TRIO: variants seen among roughly 807,000 people sequenced by gnomAD.
The protein encoded by TRIO is triple functional domain protein.
In TRIO, 58 loss-of-function variants were observed where a neutral mutation model predicts 351.9. That is an observed-to-expected ratio of 0.16 (90% CI 0.13 to 0.21). The LOEUF is 0.21. Among genes scored for constraint, TRIO ranks in the 10% least tolerant of loss-of-function variants. The pLI, the probability that TRIO is intolerant of heterozygous loss-of-function variation, is 1.00. For missense variants in TRIO, 3,201 were observed against 4,027.8 expected (o/e 0.79, Z 5.56); for synonymous variants, 1,758 against 1,595.7 (o/e 1.10, Z -2.42).
rs906742683 is a variant in TRIO, at chr5:14,471,335, C to T, written c.5781C>T (p.Pro1927=). 3 of 1,613,872 alleles carry T rather than the reference C, an allele frequency of 1.9e-6. No individual in the cohort carries two copies. In the African/African-American group the frequency reaches 4.0e-5, roughly 22 times the overall value. Reference sequence around the variant, plus strand: ...TCTTCCAGGCACTGGAGGATCGCCCCAGCTCACTCCTTGTTGACCAGGGAG... The same window carrying T: ...TCTTCCAGGCACTGGAGGATCGCCCTAGCTCACTCCTTGTTGACCAGGGAG... ...VKSKMALEDR[P]SSLLVDQGDS... is the part of the protein sequence containing the mutation. The change falls in exon 38 of 57, where the codon CCC becomes CCT. Residue 1927 remains proline (P), a synonymous_variant. Transcript: ENST00000344204.
chr5:14,210,530 A>C (rs1256654457), intron 1 of TRIO, among the ~76,000 whole-genome samples: 1 of 152,222 alleles, frequency 6.6e-6, no homozygotes, highest in African/African-American at 2.4e-5. Context: ...TCTGTGGAGC[A>C]GTTGAGAGGA....
At chr5:14,184,453 T>A (rs27758) in intron 1 of TRIO, among the ~76,000 whole-genome samples, 102,752 of 152,188 alleles carry the variant, frequency 0.68, 36,772 homozygotes, top group East Asian at 0.96. Flanking sequence ...TTTGAACATA[T>A]GTTTTTAGAA....
At chr5:14,470,204 A>G (rs2126544910) in intron 37 of TRIO, among the ~76,000 whole-genome samples, 1 of 152,354 alleles carries the variant, frequency 6.6e-6, no homozygotes, top group African/African-American at 2.4e-5. Flanking sequence ...TTTTAACAAG[A>G]TTGCTTGTAC....
intron 30 of TRIO, among the ~76,000 whole-genome samples, chr5:14,399,756 C>G (rs1453457482): frequency 6.6e-6 from 1 of 152,210 alleles, no homozygotes; most frequent in East Asian, 1.9e-4. Context: ...GCAGCATCGT[C>G]TCTGGATCCA....
At chr5:14,287,196 C>T (rs1012823377) in intron 4 of TRIO, 133 bp downstream of exon 4, 10 of 841,420 alleles carry the variant, frequency 1.2e-5, no homozygotes, top group South Asian at 5.5e-5. Context: ...ACATGTGATA[C>T]GTAAAATTAG....
rs1006572960 is a variant in TRIO, at chr5:14,358,184, A to T, written c.2053A>T (p.Thr685Ser). 7 of 1,612,132 alleles carry T rather than the reference A, an allele frequency of 4.3e-6. No homozygotes were observed. Among genetic ancestry groups the T allele is most frequent in the Middle Eastern group, 3.3e-4 (2 of 6,042 alleles). ...SFHTHVKELW[T>S]WLEELQKELL... is the part of the protein sequence containing the mutation. ...CCCCTCTCCCCTTCCCCAGCTGTGG[A>T]CGTGGCTGGAGGAGCTGCAGAAGGA... is the stretch of plus-strand genomic sequence containing the variant. The change falls in exon 12 of 57, where the codon ACG (threonine) becomes TCG (serine). Residue 685 changes from threonine (T) to serine (S), a missense_variant. Transcript: ENST00000344204.
At chr5:14,288,794 C>T (rs1387907287) in intron 4 of TRIO, among the ~76,000 whole-genome samples, 3 of 152,188 alleles carry the variant, frequency 2.0e-5, no homozygotes, top group Non-Finnish European at 4.4e-5. Context: ...TGCCAACCAG[C>T]ACGCCGGACC....
intron 1 of TRIO, among the ~76,000 whole-genome samples, chr5:14,185,360 G>T (rs1391763955): frequency 6.6e-6 from 1 of 152,194 alleles, no homozygotes; most frequent in African/African-American, 2.4e-5. Flanking sequence ...GAATAGCACA[G>T]TTCTTCCTGG....
intron 8 of TRIO, among the ~76,000 whole-genome samples, chr5:14,304,803 C>G (rs551894535): frequency 2.6e-5 from 4 of 152,134 alleles, no homozygotes; most frequent in African/African-American, 9.7e-5. Flanking sequence ...CAGGCAGTAG[C>G]CTTTCCGATA....
chr5:14,207,262 TACACACACAC>T (rs56915481), intron 1 of TRIO, among the ~76,000 whole-genome samples: 1 of 46,058 alleles, frequency 2.2e-5, no homozygotes, highest in African/African-American at 8.9e-5. Flanking sequence ...AGATGGTCTC[TACACACACAC>T]ACACACACAC....
At chr5:14,310,943 C>G (rs1051378765) in intron 8 of TRIO, among the ~76,000 whole-genome samples, 1 of 152,214 alleles carries the variant, frequency 6.6e-6, no homozygotes, top group Non-Finnish European at 1.5e-5. Flanking sequence ...ACCTCGGCCT[C>G]CCAAAGTGCT....
rs576263725 is a variant in TRIO at position 14,496,894 on chromosome 5, G to A, written c.7896G>A (p.Trp2632Ter). Residue 2632 changes from tryptophan (W) to a stop codon, truncating the protein, a stop_gained, in exon 50 of 57, where the codon TGG becomes TGA. Transcript: ENST00000344204. LOFTEE classifies it high-confidence loss of function. ...TTTCCCCTAGGAAGTCAACATCTTG[G>A]CACACAGCACTCCGTTTAAGGAAAA... ...PDGTLKKSTS[W>*]HTALRLRKKS... 6.2e-7 allele frequency: 1 copy of A among 1,614,090 alleles called. No individual in the cohort carries two copies. The highest frequency in any genetic ancestry group is 8.5e-7 in the Non-Finnish European group (1 of 1,180,016).
At chr5:14,370,561 C>T (rs1244691634) in intron 18 of TRIO, among the ~76,000 whole-genome samples, 1 of 152,098 alleles carries the variant, frequency 6.6e-6, no homozygotes, top group Non-Finnish European at 1.5e-5. Context: ...GTGTTTTTTT[C>T]TGAAGTCCGT....
intron 34 of TRIO, among the ~76,000 whole-genome samples, chr5:14,449,009 G>A (rs1373478445): frequency 6.6e-6 from 1 of 152,156 alleles, no homozygotes; most frequent in East Asian, 1.9e-4. Context: ...ACAGCAATAT[G>A]GCCTAGACAT....
At chr5:14,282,314 A>T (rs1369359631) in intron 3 of TRIO, among the ~76,000 whole-genome samples, 1 of 152,204 alleles carries the variant, frequency 6.6e-6, no homozygotes, top group East Asian at 1.9e-4. Context: ...TAATGATGGA[A>T]AAAGAAATAC....
intron 32 of TRIO, 67 bp downstream of exon 32, chr5:14,406,057 C>A (rs1748688274): frequency 5.1e-6 from 8 of 1,554,726 alleles, no homozygotes; most frequent in Non-Finnish European, 7.0e-6. Flanking sequence ...TGTTAGCTCA[C>A]CCTGCTTCAA....
intron 55 of TRIO, 164 bp downstream of exon 55, chr5:14,504,757 G>T (rs1449047830): frequency 1.2e-6 from 1 of 840,576 alleles, no homozygotes; most frequent in African/African-American, 1.7e-5. Flanking sequence ...AAGCCTTCCA[G>T]TAATGGCAGA....
At chr5:14,356,032 A>G (rs1743584908) in intron 11 of TRIO, among the ~76,000 whole-genome samples, 1 of 152,246 alleles carries the variant, frequency 6.6e-6, no homozygotes, top group African/African-American at 2.4e-5. Context: ...AATATGAGAA[A>G]AGTTAACAAA....
rs1452772134 is a variant in TRIO, at chr5:14,368,838, A to G, written c.3005A>G (p.Lys1002Arg). The G allele has an allele frequency of 1.9e-6, 3 of 1,614,050 alleles. No individual in the cohort carries two copies. Among genetic ancestry groups the G allele is most frequent in the Non-Finnish European group, 1.7e-6 (2 of 1,180,046 alleles). The change falls in exon 17 of 57, where the codon AAG (lysine) becomes AGG (arginine). Residue 1002 changes from lysine (K) to arginine (R), a missense_variant. Transcript: ENST00000344204. ...TCTCACTGGCAACAGCTCATGCTCA[A>G]GATGGAAGATCGCCTCAAGCTCGTC... ...VASHWQQLML[K>R]MEDRLKLVNA...
Sources: allele counts gnomAD v4.1 joint callset (sites outside exome capture counted in the v4.1 genomes callset), GRCh38; gene constraint gnomAD v4.1.1; transcripts MANE v1.5; gene names NCBI Gene and HGNC (gene_info 2026-07-23, HGNC 2026-07-21).